The following DLG2 variants were observed in gnomAD, a reference collection of about 807,000 sequenced individuals.
DLG2 encodes the protein discs large MAGUK scaffold protein 2.
DLG2 carries 45 observed loss-of-function variants against 132.5 expected under a neutral mutation model. The observed-to-expected ratio is 0.34, with a 90% CI of 0.27 to 0.44. The LOEUF (loss-of-function observed/expected upper bound fraction) is 0.44. Among genes scored for constraint, DLG2 ranks in the 20% least tolerant of loss-of-function variants. The pLI is 1.00. For missense variants in DLG2, 1,045 were observed against 1,196.9 expected, an observed-to-expected ratio of 0.87 and a Z score of 1.87; for synonymous variants, 424 against 419.6, an observed-to-expected ratio of 1.01 and a Z score of -0.13.
chr11:84,268,871 T>C (rs371458659), intron 7 of DLG2, among the ~76,000 whole-genome samples: 4 of 152,146 alleles, frequency 2.6e-5, no homozygotes, highest in African/African-American at 4.8e-5. Flanking sequence ...TGGCATAAAA[T>C]TGGTACTCAG....
intron 7 of DLG2, among the ~76,000 whole-genome samples, chr11:84,426,725 G>A (rs1001669341): frequency 2.6e-5 from 4 of 151,968 alleles, no homozygotes; most frequent in East Asian, 1.9e-4. Context: ...AGCAACAAAC[G>A]TCAAGTGATA....
chr11:85,026,705 C>T (rs1005039589), intron 6 of DLG2, among the ~76,000 whole-genome samples: 3 of 151,820 alleles, frequency 2.0e-5, no homozygotes, highest in Non-Finnish European at 2.9e-5. Context: ...GGCGTGGTGG[C>T]GGGCGCCTGT....
chr11:83,988,018 G>A (rs1386460130), intron 11 of DLG2, among the ~76,000 whole-genome samples: 3 of 151,922 alleles, frequency 2.0e-5, no homozygotes, highest in African/African-American at 7.2e-5. Flanking sequence ...TAAGTTCCTT[G>A]TAGACTCTGG....
At chr11:84,004,334 A>C (rs531954546) in intron 11 of DLG2, among the ~76,000 whole-genome samples, 7 of 152,160 alleles carry the variant, frequency 4.6e-5, no homozygotes, top group Non-Finnish European at 8.8e-5. Flanking sequence ...GAAGCACAAG[A>C]ATCATATGAT....
intron 6 of DLG2, among the ~76,000 whole-genome samples, chr11:84,918,251 T>C (rs889483623): frequency 6.6e-6 from 1 of 152,144 alleles, no homozygotes; most frequent in African/African-American, 2.4e-5. Flanking sequence ...TACCCAAACA[T>C]AAGCAAAATT....
At chr11:85,040,442 T>G (rs1390610952) in intron 6 of DLG2, among the ~76,000 whole-genome samples, 1 of 151,972 alleles carries the variant, frequency 6.6e-6, no homozygotes, top group Non-Finnish European at 1.5e-5. Flanking sequence ...CATGGCATGA[T>G]GATAATTCTG....
At chr11:84,296,026 C>T (rs948107847) in intron 7 of DLG2, among the ~76,000 whole-genome samples, 1 of 152,174 alleles carries the variant, frequency 6.6e-6, no homozygotes, top group South Asian at 2.1e-4. Context: ...CAGATAATGA[C>T]AAAATGTGGT....
Position 83,532,778 on chromosome 11 carries a change from T to C in DLG2, c.2123A>G (p.Glu708Gly). 2 of 1,612,552 alleles carry C rather than the reference T, an allele frequency of 1.2e-6. No individual in the cohort carries two copies. The highest frequency in any genetic ancestry group is 1.7e-6 in the Non-Finnish European group (2 of 1,179,112). ...CTTCAATCGGGCACGTTCCTTTCTT[T>C]CCACCCTAAAGCAAATTGAGAATAA... ...MGVIPSKRRV[E>G]RKERARLKTV... Residue 708 changes from glutamate to glycine, a missense_variant, in exon 21 of 28, where the codon GAA (glutamate) becomes GGA (glycine). Physicochemically the swap from Glu to Gly is moderately conservative, Grantham distance 98 (BLOSUM62 -2). Around this residue, in one of 4 missense-constraint regions of DLG2, gnomAD observed 398 missense variants for 543.6 expected, o/e 0.73. Coordinates refer to ENST00000376104, the MANE Select transcript of DLG2 (RefSeq NM_001142699.3).
At chr11:84,414,147 C>T (rs929254125) in intron 7 of DLG2, among the ~76,000 whole-genome samples, 2 of 152,094 alleles carry the variant, frequency 1.3e-5, no homozygotes, top group African/African-American at 4.8e-5. Context: ...TCAGTTTCCT[C>T]GTCTGTAACA....
chr11:84,772,159 C>T (rs1467112918), intron 6 of DLG2, among the ~76,000 whole-genome samples: 4 of 150,682 alleles, frequency 2.7e-5, no homozygotes, highest in African/African-American at 4.9e-5. Flanking sequence ...AAAACGACAA[C>T]AAAAACCAAA....
At chr11:83,624,518 A>G (rs1357495581) in intron 19 of DLG2, among the ~76,000 whole-genome samples, 1 of 152,236 alleles carries the variant, frequency 6.6e-6, no homozygotes, top group Non-Finnish European at 1.5e-5. Flanking sequence ...GTCTCAAAAT[A>G]TAAATGAAGA....
At chr11:85,545,382 C>T (rs552222605) in intron 3 of DLG2, among the ~76,000 whole-genome samples, 4 of 152,200 alleles carry the variant, frequency 2.6e-5, no homozygotes, top group East Asian at 1.9e-4. Flanking sequence ...TTGCTGGATT[C>T]GGTTTGCCAG....
At chr11:85,282,009 A>G (rs1012141432) in intron 4 of DLG2, among the ~76,000 whole-genome samples, 8 of 151,982 alleles carry the variant, frequency 5.3e-5, no homozygotes, top group Non-Finnish European at 8.8e-5. Flanking sequence ...CATACACACA[A>G]TGGGAATTTA....
intron 19 of DLG2, among the ~76,000 whole-genome samples, chr11:83,554,492 T>C (rs1489724966): frequency 6.6e-6 from 1 of 152,220 alleles, no homozygotes; most frequent in Non-Finnish European, 1.5e-5. Flanking sequence ...GAGGCTGGTA[T>C]ACAGATACAT....
intron 3 of DLG2, among the ~76,000 whole-genome samples, chr11:85,349,078 T>G (rs184801593): frequency 4.5e-4 from 68 of 152,264 alleles, no homozygotes; most frequent in African/African-American, 1.5e-3. Flanking sequence ...AATGGGTGGT[T>G]GGACATGCCT....
At chr11:84,959,858 A>T (rs548807945) in intron 6 of DLG2, among the ~76,000 whole-genome samples, 1 of 152,316 alleles carries the variant, frequency 6.6e-6, no homozygotes, top group African/African-American at 2.4e-5. Context: ...CTACAGGACA[A>T]AAGAAAAGGT....
intron 8 of DLG2, among the ~76,000 whole-genome samples, chr11:84,223,244 C>T (rs1043486152): frequency 5.3e-5 from 8 of 152,084 alleles, no homozygotes; most frequent in Non-Finnish European, 1.0e-4. Flanking sequence ...AGTAGTCAGA[C>T]CAAGTAGCAT....
At chr11:83,706,775 C>T (rs571694008) in intron 18 of DLG2, among the ~76,000 whole-genome samples, 289 of 152,224 alleles carry the variant, frequency 1.9e-3, no homozygotes, top group Middle Eastern at 0.014. Context: ...AGTGGGCTCT[C>T]GGGTAGAAAG....
At chr11:83,838,384 CA>C (rs1167767141) in intron 16 of DLG2, among the ~76,000 whole-genome samples, 2 of 152,030 alleles carry the variant, frequency 1.3e-5, no homozygotes, top group African/African-American at 2.4e-5. Context: ...ATGAAGAAAT[CA>C]TTAGGGCAAA....
Sources: allele counts gnomAD v4.1 joint callset (sites outside exome capture counted in the v4.1 genomes callset), GRCh38; gene constraint gnomAD v4.1.1; regional missense constraint gnomAD v4.1.1; transcripts MANE v1.5; gene names NCBI Gene and HGNC (gene_info 2026-07-23, HGNC 2026-07-21).